The following BTRC variants were observed in gnomAD, a reference collection of about 807,000 sequenced individuals.
The protein encoded by BTRC is beta-transducin repeat containing E3 ubiquitin protein ligase.
In BTRC, 42 loss-of-function variants were observed where a neutral mutation model predicts 85.5. That is an observed-to-expected ratio of 0.49 (90% CI 0.38 to 0.64). The LOEUF (loss-of-function observed/expected upper bound fraction) is 0.64. BTRC is among the 30% of genes least tolerant of loss of function. The pLI is 0.00. For synonymous variants in BTRC, 255 were observed against 263.3 expected, an observed-to-expected ratio of 0.97 and a Z score of 0.30; for missense variants, 594 against 743.5, an observed-to-expected ratio of 0.80 and a Z score of 2.34.
At chr10:101,464,600 C>T (rs894532900) in intron 3 of BTRC, among the ~76,000 whole-genome samples, 1 of 126,934 alleles carries the variant, frequency 7.9e-6, no homozygotes, top group Non-Finnish European at 1.6e-5. Flanking sequence ...TGTTGAGATC[C>T]AAGCTCTGGA....
At chr10:101,535,266 T>TG (rs2062368714) in intron 10 of BTRC, 88 bp from the exon 11 acceptor site, 1 of 976,982 alleles carries the variant, frequency 1.0e-6, no homozygotes, top group African/African-American at 1.6e-5. Context: ...GGTTCAGTCC[T>TG]GTTTTCTGCT....
chr10:101,479,383 G>A lies in BTRC; in HGVS notation c.250G>A (p.Ala84Thr). The A allele has an allele frequency of 6.2e-7, 1 of 1,612,944 alleles. No individual in the cohort carries two copies. The highest frequency in any genetic ancestry group is 2.2e-5 in the East Asian group (1 of 44,806). The change falls in exon 4 of 15, where the codon GCC (alanine) becomes ACC (threonine). Residue 84 changes from alanine to threonine, a missense_variant. Transcript: ENST00000370187. Reference protein sequence around the residue: ...NSLRQTYNSCARLCLNQETVC... With the variant: ...NSLRQTYNSCTRLCLNQETVC... ...CTCTTTACAGACATACAACAGCTGT[G>A]CCAGACTCTGCTTAAACCAAGAAAC...
At chr10:101,363,853 T>G (rs1373537354) in intron 1 of BTRC, among the ~76,000 whole-genome samples, 1 of 152,186 alleles carries the variant, frequency 6.6e-6, no homozygotes, top group African/African-American at 2.4e-5. Flanking sequence ...CCTGATTATT[T>G]AAATTACCGA....
intron 5 of BTRC, among the ~76,000 whole-genome samples, chr10:101,524,803 G>A (rs1429740871): frequency 6.6e-6 from 1 of 152,136 alleles, no homozygotes; most frequent in Non-Finnish European, 1.5e-5. Flanking sequence ...ATTGGGTAAT[G>A]CATGTCTCCA....
intron 2 of BTRC, among the ~76,000 whole-genome samples, chr10:101,439,367 C>T (rs1589468679): frequency 1.3e-5 from 2 of 152,178 alleles, no homozygotes; most frequent in African/African-American, 2.4e-5. Context: ...GTTTCTGGTA[C>T]GTTGATCCGA....
At position 101,443,775 on chromosome 10, in the gene BTRC, A is replaced by G. The variant is rs547014594; in HGVS notation, c.156+13323A>G. The stretch of plus-strand genomic sequence containing the variant: ...TACTTTTTATATTGTCCTTAGGGAC[A>G]TTTTACTGATTTAGAAAATCCTTTT... On this transcript the variant is annotated intron_variant, in intron 2 of 14. Transcript: ENST00000370187. Among the ~76,000 whole-genome samples the G allele has an allele frequency of 2.6e-5, 4 of 152,310 alleles. No homozygotes were observed. In the East Asian group the frequency reaches 7.7e-4, roughly 29 times the overall value.
intron 4 of BTRC, among the ~76,000 whole-genome samples, chr10:101,509,658 T>C (rs542957985): frequency 6.8e-6 from 1 of 147,450 alleles, no homozygotes; most frequent in East Asian, 2.0e-4. Context: ...GCTCAAGTAA[T>C]CCTCCCACCT....
chr10:101,432,377 C>T (rs1050542886), intron 2 of BTRC, among the ~76,000 whole-genome samples: 5 of 152,128 alleles, frequency 3.3e-5, no homozygotes, highest in African/African-American at 1.2e-4. Context: ...ATCTGCCTGC[C>T]TCAGCCTCCC....
chr10:101,446,109 C>A lies in BTRC; in HGVS notation c.156+15657C>A, dbSNP rs142883450. Among the ~76,000 whole-genome samples, 26 of 131,022 alleles carry A rather than the reference C, an allele frequency of 2.0e-4. No homozygotes were observed. In the East Asian group the frequency reaches 5.7e-3, roughly 29 times the overall value. 86.0% of individuals were successfully genotyped at this position (131,022 alleles called of 152,430 possible). ...AGTACATTTTGTTCTCTTCCCCCCC[C>A]ACCCCCCCAACCCCCTCCGTGCTCA... On this transcript the variant is annotated intron_variant, in intron 2 of 14. Coordinates refer to ENST00000370187, the MANE Select transcript of BTRC (RefSeq NM_033637.4).
At chr10:101,359,488 C>A (rs1276572917) in intron 1 of BTRC, among the ~76,000 whole-genome samples, 1 of 151,908 alleles carries the variant, frequency 6.6e-6, no homozygotes, top group Non-Finnish European at 1.5e-5. Context: ...AGTGCAGTGG[C>A]ACAATTTCGG....
chr10:101,443,377 C>T (rs949623193), intron 2 of BTRC, among the ~76,000 whole-genome samples: 1 of 152,126 alleles, frequency 6.6e-6, no homozygotes, highest in Admixed American at 6.6e-5. Context: ...CTGAGGACAA[C>T]TCAACATGAA....
intron 1 of BTRC, among the ~76,000 whole-genome samples, chr10:101,363,273 C>T (rs189462773): frequency 5.5e-4 from 83 of 152,232 alleles, no homozygotes; most frequent in African/African-American, 1.9e-3. Flanking sequence ...GAGATTAAAT[C>T]CAGGCAGTCT....
chr10:101,537,688 G>T (rs2134433552), intron 12 of BTRC, among the ~76,000 whole-genome samples: 1 of 152,316 alleles, frequency 6.6e-6, no homozygotes, highest in African/African-American at 2.4e-5. Flanking sequence ...AATGCAAGCA[G>T]CAGGAAGTGT....
intron 1 of BTRC, among the ~76,000 whole-genome samples, chr10:101,378,858 G>A (rs17760556): frequency 0.066 from 10,096 of 152,104 alleles, 350 homozygotes; most frequent in Non-Finnish European, 0.074. Flanking sequence ...CCGCTTTGAA[G>A]CAGTATTCAG....
chr10:101,407,944 G>T (rs112582604), intron 1 of BTRC, among the ~76,000 whole-genome samples: 2 of 151,326 alleles, frequency 1.3e-5, no homozygotes, highest in African/African-American at 4.9e-5. Context: ...GGATGGCCTC[G>T]ATCTCTTGAC....
At chr10:101,533,124 C>A in intron 9 of BTRC, 54 bp downstream of exon 9, 2 of 1,316,484 alleles carry the variant, frequency 1.5e-6, no homozygotes, top group East Asian at 2.3e-5. Flanking sequence ...CTGCTCTGTT[C>A]TTTGTCATAG....
chr10:101,504,671 C>A (rs922445159), intron 4 of BTRC, among the ~76,000 whole-genome samples: 1 of 151,702 alleles, frequency 6.6e-6, no homozygotes. Flanking sequence ...TCCCATTTTC[C>A]CCCTTCCATT....
intron 4 of BTRC, among the ~76,000 whole-genome samples, chr10:101,488,172 T>C (rs1320341762): frequency 6.6e-6 from 1 of 152,228 alleles, no homozygotes; most frequent in Admixed American, 6.5e-5. Flanking sequence ...AGAGTTTTCC[T>C]TGCAAGTAAC....
chr10:101,528,148 A>G (rs1393192051), intron 6 of BTRC, among the ~76,000 whole-genome samples: 9 of 152,234 alleles, frequency 5.9e-5, no homozygotes, highest in Admixed American at 2.0e-4. Flanking sequence ...CTTTAGCTAT[A>G]AAGGTTCTGT....
Sources: gnomAD v4.1 joint callset for allele counts (sites outside exome capture counted in the v4.1 genomes callset) on GRCh38, gnomAD v4.1.1 for gene constraint, MANE v1.5 for transcripts, NCBI Gene and HGNC (gene_info 2026-07-23, HGNC 2026-07-21) for gene names.